Variants in APH1B observed in about 807,000 individuals in gnomAD.
The protein encoded by APH1B is gamma-secretase subunit APH-1B.
In APH1B, 27 loss-of-function variants were observed where a neutral mutation model predicts 28.2. The ratio of observed to expected loss-of-function variants is 0.96; its 90% confidence interval spans 0.70 to 1.32. The LOEUF (loss-of-function observed/expected upper bound fraction) is 1.32. Ranked by LOEUF, APH1B falls within the 40% of genes most tolerant of loss-of-function variation. The pLI is 0.00. For synonymous variants in APH1B, 141 were observed against 124.6 expected, an observed-to-expected ratio of 1.13 and a Z score of -0.88; for missense variants, 305 against 313.6, an observed-to-expected ratio of 0.97 and a Z score of 0.21.
chr15:63,300,844 C>T (rs1309804726), intron 4 of APH1B, among the ~76,000 whole-genome samples: 1 of 152,182 alleles, frequency 6.6e-6, no homozygotes. Context: ...TTCTTTTCTA[C>T]ATAACATTAG....
intron 4 of APH1B, among the ~76,000 whole-genome samples, chr15:63,293,152 A>G (rs929101633): frequency 6.6e-6 from 1 of 150,388 alleles, no homozygotes; most frequent in Non-Finnish European, 1.5e-5. Context: ...TATTTATTTT[A>G]TTTTATTTTA....
At chr15:63,289,570 T>A (rs186700039) in intron 4 of APH1B, among the ~76,000 whole-genome samples, 147 of 152,310 alleles carry the variant, frequency 9.7e-4, no homozygotes, top group Non-Finnish European at 1.8e-3. Flanking sequence ...ACGCCACAAG[T>A]AGGAAATTTC....
In APH1B at chr15:63,286,575, T is replaced by A. The variant is rs1447290575; in HGVS notation, c.302T>A (p.Leu101Ter). ...YKLLKKASEGLKSINPGETAP... is the reference protein window; with the variant it reads ...YKLLKKASEG ...TATTTTAGAAAAGCCAGTGAAGGTT[T>A]GAAGAGTATAAACCCAGGTGAGACA... Residue 101 changes from leucine (L) to a stop codon, truncating the protein, a stop_gained, in exon 3 of 6, where the codon TTG becomes TAG. Coordinates refer to ENST00000261879, the MANE Select transcript of APH1B (RefSeq NM_031301.4). LOFTEE classifies it high-confidence loss of function. 1 of 1,602,408 alleles carries A rather than the reference T, an allele frequency of 6.2e-7. No individual in the cohort carries two copies.
intron 2 of APH1B, among the ~76,000 whole-genome samples, chr15:63,281,786 T>C (rs2038391867): frequency 6.6e-6 from 1 of 151,938 alleles, no homozygotes; most frequent in Admixed American, 6.6e-5. Flanking sequence ...TTTTAATTTT[T>C]AAAATTTTCT....
rs1423993639 is a variant in APH1B at position 63,306,562 on chromosome 15, T to G, written c.*781T>G. ...TTTATGCAATGTCTATAAGCCTGTT[T>G]AAAGCTTTCCATGGGCTCTGCCCCA... On this transcript the variant is annotated 3_prime_UTR_variant, in exon 6 of 6. Transcript: ENST00000261879. 1 of 152,256 alleles carries G rather than the reference T, an allele frequency of 6.6e-6. No homozygotes were observed. The highest frequency in any genetic ancestry group is 1.5e-5 in the Non-Finnish European group (1 of 68,050). The allele number at this position is 152,256 out of a possible 1,614,324, so 9.4% of individuals were successfully genotyped here.
At position 63,308,296 on chromosome 15, in the gene APH1B, T is replaced by C. The variant is rs2038707699; in HGVS notation, c.*2515T>C. 6.6e-6 allele frequency: 1 copy of C among 152,222 alleles called. No individual in the cohort carries two copies. The highest frequency in any genetic ancestry group is 2.4e-5 in the African/African-American group (1 of 41,458). 9.4% of individuals were successfully genotyped at this position (152,222 alleles called of 1,614,324 possible). A position where few individuals can be genotyped will look rare whatever the true frequency, so the allele number is the denominator to read the frequency against. Reference sequence around the variant, plus strand: ...GTGAATAATAGAGACTGTGTTGCTCTCTAGTATAAGCTATATTTATTTTTG... The same window carrying C: ...GTGAATAATAGAGACTGTGTTGCTCCCTAGTATAAGCTATATTTATTTTTG... On this transcript the variant is annotated 3_prime_UTR_variant, in exon 6 of 6. Coordinates refer to ENST00000261879, the MANE Select transcript of APH1B (RefSeq NM_031301.4).
chr15:63,290,171 T>A (rs946818457), intron 4 of APH1B, among the ~76,000 whole-genome samples: 4 of 152,176 alleles, frequency 2.6e-5, no homozygotes, highest in Non-Finnish European at 5.9e-5. Flanking sequence ...TATATTAGTA[T>A]GTGTTAATAA....
At position 63,299,665 on chromosome 15, in the gene APH1B, A is replaced by G. The variant is rs866062918; in HGVS notation, c.479-2680A>G. On this transcript the variant is annotated intron_variant, in intron 4 of 5. Coordinates refer to ENST00000261879, the MANE Select transcript of APH1B (RefSeq NM_031301.4). ...GTGATACTCCTGCCTCGGCCTCCCA[A>G]AGTGCTGGGATTACAGGTGTGAGCC... Among the ~76,000 whole-genome samples, 19 of 152,054 alleles carry G rather than the reference A, an allele frequency of 1.2e-4. No individual in the cohort carries two copies. The South Asian group carries it at 1.5e-3, about 12-fold the overall frequency.
In APH1B at chr15:63,279,274, C is replaced by G. The variant is rs754872268; in HGVS notation, c.227C>G (p.Ala76Gly). Residue 76 changes from alanine (A) to glycine (G), a missense_variant, in exon 2 of 6, where the codon GCG (alanine) becomes GGG (glycine). By Grantham distance (60) the Ala-to-Gly change is moderately conservative. Coordinates refer to ENST00000261879, the MANE Select transcript of APH1B (RefSeq NM_031301.4). ...PTQKYLLIFG[A>G]FVSVYIQEMF... is the part of the protein sequence containing the mutation. Reference sequence around the variant, plus strand: ...CAGAAATATCTGCTGATCTTTGGAGCGTTTGTCTCTGTCTATATCCAAGAA... The same window carrying G: ...CAGAAATATCTGCTGATCTTTGGAGGGTTTGTCTCTGTCTATATCCAAGAA... 1.2e-6 allele frequency: 2 copies of G among 1,611,588 alleles called. No homozygotes were observed. The highest frequency in any genetic ancestry group is 1.7e-6 in the Non-Finnish European group (2 of 1,178,238).
intron 2 of APH1B, among the ~76,000 whole-genome samples, chr15:63,282,322 A>G (rs2038397240): frequency 6.6e-6 from 1 of 152,308 alleles, no homozygotes; most frequent in South Asian, 2.1e-4. Context: ...TAAAATGTGG[A>G]GAGTTTATAC....
rs377477049 is a variant in APH1B at position 63,297,230 on chromosome 15, G to A, written c.479-5115G>A. 4.1e-4 allele frequency among the ~76,000 whole-genome samples: 62 copies of A among 152,258 alleles called. 1 individual carries two copies. The East Asian group carries it at 0.012, about 28-fold the overall frequency. ...ACTTAGGGAAGTTTTTTTGGCTTAA[G>A]AATATTAGAACAGGCTGGGCATTAT... On this transcript the variant is annotated intron_variant, in intron 4 of 5. Coordinates refer to ENST00000261879, the MANE Select transcript of APH1B (RefSeq NM_031301.4).
chr15:63,285,454 C>A (rs2038435138), intron 2 of APH1B, among the ~76,000 whole-genome samples: 1 of 152,058 alleles, frequency 6.6e-6, no homozygotes, highest in Admixed American at 6.6e-5. Context: ...TTTAAATATT[C>A]TTTGAGTCAG....
intron 4 of APH1B, among the ~76,000 whole-genome samples, chr15:63,290,000 T>G (rs563978379): frequency 6.6e-6 from 1 of 151,692 alleles, no homozygotes; most frequent in African/African-American, 2.4e-5. Context: ...GATACTCTGT[T>G]TCAAGAGAAA....
chr15:63,278,597 G>T (rs1208547427), intron 1 of APH1B, among the ~76,000 whole-genome samples: 1 of 152,240 alleles, frequency 6.6e-6, no homozygotes, highest in Non-Finnish European at 1.5e-5. Context: ...CCCCAGGGGT[G>T]CTGTAAGACC....
intron 4 of APH1B, among the ~76,000 whole-genome samples, chr15:63,295,885 G>A (rs1056758451): frequency 6.6e-6 from 1 of 151,942 alleles, no homozygotes; most frequent in African/African-American, 2.4e-5. Context: ...TTGTGTAGAG[G>A]ACGGGATCAG....
intron 4 of APH1B, among the ~76,000 whole-genome samples, chr15:63,295,502 C>G (rs539591711): frequency 6.6e-6 from 1 of 152,326 alleles, no homozygotes; most frequent in African/African-American, 2.4e-5. Context: ...AAAGAGTTGA[C>G]TTGTGGTTCT....
chr15:63,287,331 C>G (rs2038457842), intron 3 of APH1B, 93 bp from the exon 4 acceptor site: 1 of 1,519,646 alleles, frequency 6.6e-7, no homozygotes, highest in Non-Finnish European at 8.9e-7. Context: ...AGCACCCTTT[C>G]CCCTCCAACA....
chr15:63,286,536 T>C, intron 2 of APH1B, 22 bp from the exon 3 acceptor site: 1 of 1,547,890 alleles, frequency 6.5e-7, no homozygotes, highest in Non-Finnish European at 8.7e-7. Context: ...TCTTCTTAAT[T>C]ACATGTGTGG....
At chr15:63,281,747 C>T (rs1305142520) in intron 2 of APH1B, among the ~76,000 whole-genome samples, 5 of 151,624 alleles carry the variant, frequency 3.3e-5, no homozygotes, top group Admixed American at 3.3e-4. Flanking sequence ...CATAGATCCA[C>T]ATTATTGTTC....
Sources: gnomAD v4.1 joint callset for allele counts (sites outside exome capture counted in the v4.1 genomes callset) on GRCh38, gnomAD v4.1.1 for gene constraint, MANE v1.5 for transcripts, NCBI Gene and HGNC (gene_info 2026-07-23, HGNC 2026-07-21) for gene names.